Variants in CNTNAP2 observed in about 807,000 individuals in gnomAD.
CNTNAP2 encodes the protein contactin associated protein 2.
A neutral mutation model predicts 155.2 loss-of-function variants in CNTNAP2; 98 were observed. The observed-to-expected ratio is 0.63, with a 90% CI of 0.54 to 0.75. The LOEUF (loss-of-function observed/expected upper bound fraction) is 0.75. Ranked by LOEUF, CNTNAP2 falls within the 30% of genes least tolerant of loss-of-function variation. The probability of loss-of-function intolerance (pLI) is 0.00; values close to 1 mark genes in which losing one functional copy is unlikely to be tolerated. For missense variants in CNTNAP2, 1,727 were observed against 1,688.1 expected (o/e 1.02, Z -0.40); for synonymous variants, 651 against 631.2 (o/e 1.03, Z -0.47).
chr7:146,599,753 G>GATAGATAC (rs1165969986), intron 1 of CNTNAP2, among the ~76,000 whole-genome samples: 1 of 151,430 alleles, frequency 6.6e-6, no homozygotes, highest in Admixed American at 6.6e-5. Context: ...GAGATAGATA[G>GATAGATAC]ATAGATAGAT....
chr7:147,355,619 C>T (rs1796050564), intron 9 of CNTNAP2, among the ~76,000 whole-genome samples: 1 of 151,906 alleles, frequency 6.6e-6, no homozygotes, highest in Non-Finnish European at 1.5e-5. Flanking sequence ...ACCACTGATC[C>T]CACAGAAATA....
intron 21 of CNTNAP2, among the ~76,000 whole-genome samples, chr7:148,342,299 G>A (rs776130163): frequency 2.5e-4 from 38 of 152,120 alleles, no homozygotes; most frequent in Non-Finnish European, 1.8e-4. Context: ...CTGAAAACTG[G>A]CCTCGAATTT....
intron 3 of CNTNAP2, among the ~76,000 whole-genome samples, chr7:146,987,448 T>C (rs1013105620): frequency 6.6e-6 from 1 of 152,144 alleles, no homozygotes; most frequent in Non-Finnish European, 1.5e-5. Context: ...TCTAAGTATG[T>C]CAGGATTCCT....
chr7:146,895,193 A>G (rs56963674), intron 3 of CNTNAP2, among the ~76,000 whole-genome samples: 1 of 148,108 alleles, frequency 6.8e-6, no homozygotes, highest in Non-Finnish European at 1.5e-5. Context: ...CTCCCTTCCT[A>G]CATCCTTCCC....
intron 13 of CNTNAP2, among the ~76,000 whole-genome samples, chr7:147,760,080 C>T (rs1271714132): frequency 6.6e-6 from 1 of 152,098 alleles, no homozygotes; most frequent in Non-Finnish European, 1.5e-5. Context: ...AGCCCAAACC[C>T]TTTCCTTCTC....
At chr7:147,064,222 A>AT (rs59062786) in intron 4 of CNTNAP2, among the ~76,000 whole-genome samples, 38,056 of 151,876 alleles carry the variant, frequency 0.25, 5,982 homozygotes, top group African/African-American at 0.44. Flanking sequence ...GAAATAGTGT[A>AT]TTGAGTGAGC....
At chr7:147,414,179 C>T (rs747973116) in intron 10 of CNTNAP2, among the ~76,000 whole-genome samples, 21 of 152,122 alleles carry the variant, frequency 1.4e-4, no homozygotes, top group Non-Finnish European at 2.6e-4. Flanking sequence ...AATCCCAGCA[C>T]TTTGGGAGGC....
chr7:147,603,313 G>A (rs1231517482), intron 12 of CNTNAP2, among the ~76,000 whole-genome samples: 1 of 152,058 alleles, frequency 6.6e-6, no homozygotes, highest in African/African-American at 2.4e-5. Flanking sequence ...TATATCCTTT[G>A]CCCACTTGTT....
chr7:147,149,543 T>C (rs1801782764), intron 8 of CNTNAP2, among the ~76,000 whole-genome samples: 1 of 152,140 alleles, frequency 6.6e-6, no homozygotes, highest in Non-Finnish European at 1.5e-5. Flanking sequence ...TAATAAACTA[T>C]GGTAAGAAAT....
intron 1 of CNTNAP2, among the ~76,000 whole-genome samples, chr7:146,298,680 A>G (rs975948493): frequency 6.6e-6 from 1 of 152,216 alleles, no homozygotes; most frequent in African/African-American, 2.4e-5. Context: ...TCCACTGTGA[A>G]TATGTTTGAA....
At chr7:148,273,661 C>T (rs1024780051) in intron 21 of CNTNAP2, among the ~76,000 whole-genome samples, 36 of 152,266 alleles carry the variant, frequency 2.4e-4, no homozygotes, top group African/African-American at 8.2e-4. Flanking sequence ...AATGCAGTGT[C>T]GTTGTTGCTT....
intron 3 of CNTNAP2, among the ~76,000 whole-genome samples, chr7:147,021,204 T>A (rs2129246567): frequency 6.6e-6 from 1 of 152,232 alleles, no homozygotes; most frequent in South Asian, 2.1e-4. Flanking sequence ...TTTTTGGCAA[T>A]TCTTTTTTAG....
intron 13 of CNTNAP2, among the ~76,000 whole-genome samples, chr7:147,642,478 C>G (rs1043212348): frequency 6.6e-6 from 1 of 152,008 alleles, no homozygotes; most frequent in Non-Finnish European, 1.5e-5. Context: ...CCCTCATTGA[C>G]ATTCCTTGTC....
intron 13 of CNTNAP2, among the ~76,000 whole-genome samples, chr7:147,832,568 TATTGAAATATATTG>T: frequency 2.1e-5 from 3 of 145,518 alleles, no homozygotes; most frequent in East Asian, 2.0e-4. Context: ...AAATATATTA[TATTGAAATATATTG>T]AAATATATAT....
At chr7:147,013,821 AG>A (rs976679917) in intron 3 of CNTNAP2, among the ~76,000 whole-genome samples, 1 of 152,158 alleles carries the variant, frequency 6.6e-6, no homozygotes, top group Non-Finnish European at 1.5e-5. Flanking sequence ...CTTTGGGATA[AG>A]GGGAATATTG....
Position 146,473,066 on chromosome 7 carries a change from A to G in CNTNAP2, c.98-301205A>G, listed in dbSNP as rs536634637. 5.3e-5 allele frequency among the ~76,000 whole-genome samples: 8 copies of G among 152,012 alleles called. No homozygotes were observed. The South Asian group carries it at 1.0e-3, about 20-fold the overall frequency. On this transcript the variant is annotated intron_variant, in intron 1 of 23. Transcript: ENST00000361727. ...GATCTATATTTGGCCTGAATTTTCA[A>G]CATTTGAGATTTAAAGAAATGTTGA... is the stretch of plus-strand genomic sequence containing the variant.
chr7:146,615,075 GA>G (rs1799202560), intron 1 of CNTNAP2, among the ~76,000 whole-genome samples: 1 of 152,150 alleles, frequency 6.6e-6, no homozygotes, highest in Non-Finnish European at 1.5e-5. Context: ...AGAGCTGATG[GA>G]AATGACCAAC....
intron 13 of CNTNAP2, among the ~76,000 whole-genome samples, chr7:147,645,595 G>C (rs953212962): frequency 4.6e-5 from 7 of 152,202 alleles, no homozygotes; most frequent in African/African-American, 1.7e-4. Context: ...AATTGAAGGG[G>C]ACAGAGGGAT....
At chr7:146,885,068 T>A (rs1585138516) in intron 3 of CNTNAP2, among the ~76,000 whole-genome samples, 1 of 152,224 alleles carries the variant, frequency 6.6e-6, no homozygotes, top group East Asian at 1.9e-4. Context: ...CATGGAAAAA[T>A]ATGTTTACAT....
Sources: gnomAD v4.1 joint callset for allele counts (sites outside exome capture counted in the v4.1 genomes callset) on GRCh38, gnomAD v4.1.1 for gene constraint, MANE v1.5 for transcripts, NCBI Gene and HGNC (gene_info 2026-07-23, HGNC 2026-07-21) for gene names.